ETV6: variants seen among roughly 807,000 people sequenced by gnomAD.
ETV6 encodes ETS variant transcription factor 6, also known as transcription factor ETV6.
ETV6 carries 16 observed loss-of-function variants against 51.1 expected under a neutral mutation model. That is an observed-to-expected ratio of 0.31 (90% CI 0.21 to 0.48). The LOEUF (loss-of-function observed/expected upper bound fraction) is 0.48, where lower values mean the gene tolerates loss of function less well. Among genes scored for constraint, ETV6 ranks in the 20% least tolerant of loss-of-function variants. The probability of loss-of-function intolerance (pLI) is 0.99; values close to 1 mark genes in which losing one functional copy is unlikely to be tolerated. For synonymous variants in ETV6, 240 were observed against 224.1 expected (o/e 1.07, Z -0.64); for missense variants, 458 against 594.8 (o/e 0.77, Z 2.39).
chr12:11,890,777 G>A (rs558642387), intron 7 of ETV6, among the ~76,000 whole-genome samples, 164 bp from the exon 8 acceptor site: 1 of 152,178 alleles, frequency 6.6e-6, no homozygotes, highest in East Asian at 1.9e-4. Flanking sequence ...AGAGAAAGGA[G>A]TACCTTTTCC....
At chr12:11,785,593 A>G (rs1313347013) in intron 2 of ETV6, among the ~76,000 whole-genome samples, 1 of 152,226 alleles carries the variant, frequency 6.6e-6, no homozygotes, top group African/African-American at 2.4e-5. Context: ...AAGCTCTTCC[A>G]TCTCCATTAT....
rs764570271 is a variant in ETV6 at position 11,650,167 on chromosome 12, ATCT to A, written c.33+11_33+13del. On this transcript the variant is annotated splice_region_variant and intron_variant, in intron 1 of 7. Transcript: ENST00000396373. ...TGCTCAGTGTAGCATTAAGGTAAAA[ATCT>A]TCTCCCCTCCTTCTACGTGGTGGAA... The A allele has an allele frequency of 8.7e-6, 14 of 1,612,570 alleles. No homozygotes were observed. The highest frequency in any genetic ancestry group is 6.6e-5 in the South Asian group (6 of 91,050).
chr12:11,804,832 T>C (rs1407327932), intron 2 of ETV6, among the ~76,000 whole-genome samples: 5 of 152,304 alleles, frequency 3.3e-5, no homozygotes, highest in Non-Finnish European at 5.9e-5. Flanking sequence ...GGTAATTGGA[T>C]GGGCCTGGCT....
intron 2 of ETV6, among the ~76,000 whole-genome samples, chr12:11,814,851 G>A (rs147135282): frequency 5.3e-5 from 8 of 152,214 alleles, no homozygotes; most frequent in Non-Finnish European, 8.8e-5. Context: ...CCCTCTTTTC[G>A]CCTGCTTCTG....
chr12:11,669,389 C>CCCTCCTTT (rs1565479834), intron 1 of ETV6, among the ~76,000 whole-genome samples: 8 of 138,716 alleles, frequency 5.8e-5, no homozygotes, highest in Non-Finnish European at 9.6e-5. Flanking sequence ...CTCCCTCCCT[C>CCCTCCTTT]CCTCCTTTCC....
intron 1 of ETV6, among the ~76,000 whole-genome samples, chr12:11,724,668 G>A (rs1262454333): frequency 1.3e-5 from 2 of 152,190 alleles, no homozygotes. Context: ...TGAGGGGAGT[G>A]AGGGGCTGAA....
chr12:11,819,259 C>T (rs1946041403), intron 2 of ETV6, among the ~76,000 whole-genome samples: 1 of 152,168 alleles, frequency 6.6e-6, no homozygotes, highest in Non-Finnish European at 1.5e-5. Context: ...TCCCCAGATG[C>T]CGAATCCATC....
At chr12:11,824,218 G>A (rs1015904889) in intron 2 of ETV6, among the ~76,000 whole-genome samples, 4 of 152,164 alleles carry the variant, frequency 2.6e-5, no homozygotes, top group Admixed American at 6.5e-5. Context: ...ACCCAGCGAC[G>A]AGACATCCCC....
chr12:11,732,045 A>G (rs1865609726), intron 1 of ETV6, among the ~76,000 whole-genome samples: 1 of 152,174 alleles, frequency 6.6e-6, no homozygotes, highest in Admixed American at 6.5e-5. Context: ...GCATAAAGAG[A>G]AGATGTTCCA....
intron 1 of ETV6, among the ~76,000 whole-genome samples, chr12:11,669,389 C>T (rs1243915605): frequency 2.2e-5 from 3 of 138,714 alleles, no homozygotes; most frequent in Admixed American, 7.4e-5. Flanking sequence ...CTCCCTCCCT[C>T]CCTCCTTTCC....
chr12:11,650,368 C>G (rs1327804112), intron 1 of ETV6, among the ~76,000 whole-genome samples: 1 of 147,094 alleles, frequency 6.8e-6, no homozygotes, highest in African/African-American at 2.5e-5. Context: ...GAGCCCCTGC[C>G]GGCTCCTCGG....
At chr12:11,872,167 C>A (rs1946889690) in intron 5 of ETV6, among the ~76,000 whole-genome samples, 1 of 152,196 alleles carries the variant, frequency 6.6e-6, no homozygotes, top group African/African-American at 2.4e-5. Context: ...GTGGAAGGGT[C>A]ATTTGTACAG....
intron 1 of ETV6, among the ~76,000 whole-genome samples, chr12:11,721,357 A>T (rs1208909819): frequency 6.6e-6 from 1 of 152,200 alleles, no homozygotes; most frequent in Admixed American, 6.5e-5. Context: ...AATGTGGTAC[A>T]TATACACCAT....
At chr12:11,868,545 C>T (rs979317085) in intron 4 of ETV6, among the ~76,000 whole-genome samples, 1 of 149,356 alleles carries the variant, frequency 6.7e-6, no homozygotes, top group Non-Finnish European at 1.5e-5. Context: ...TCAAGCGATT[C>T]TCATGTCTCA....
intron 1 of ETV6, among the ~76,000 whole-genome samples, chr12:11,651,006 A>G (rs1472325478): frequency 6.6e-6 from 1 of 152,216 alleles, no homozygotes; most frequent in East Asian, 1.9e-4. Context: ...ATGTCTATAT[A>G]TCTGTAAAGA....
At chr12:11,809,598 C>G (rs1277411663) in intron 2 of ETV6, among the ~76,000 whole-genome samples, 1 of 152,094 alleles carries the variant, frequency 6.6e-6, no homozygotes, top group African/African-American at 2.4e-5. Context: ...AATGGGGAAG[C>G]CAGGAGATAC....
chr12:11,764,924 G>A (rs1591657949), intron 2 of ETV6, among the ~76,000 whole-genome samples: 2 of 152,174 alleles, frequency 1.3e-5, no homozygotes, highest in Admixed American at 1.3e-4. Flanking sequence ...AAAGGAACTT[G>A]ACCAGAGTCA....
intron 1 of ETV6, among the ~76,000 whole-genome samples, chr12:11,680,930 T>C (rs1226538850): frequency 1.3e-5 from 2 of 152,216 alleles, no homozygotes; most frequent in South Asian, 4.1e-4. Context: ...AAATCTTCTT[T>C]GCTTTTGGAT....
At chr12:11,751,332 T>C (rs1866022820) in intron 1 of ETV6, 2 of 518,812 alleles carry the variant, frequency 3.9e-6, no homozygotes, top group Non-Finnish European at 7.7e-6. Flanking sequence ...ACGATTTTCT[T>C]TTGCTCTTGA....
Sources: gnomAD v4.1 joint callset for allele counts (sites outside exome capture counted in the v4.1 genomes callset) on GRCh38, gnomAD v4.1.1 for gene constraint, MANE v1.5 for transcripts, NCBI Gene and HGNC (gene_info 2026-07-23, HGNC 2026-07-21) for gene names.